TNR: variants seen among roughly 807,000 people sequenced by gnomAD.
TNR encodes the protein tenascin R.
A neutral mutation model predicts 150.4 loss-of-function variants in TNR; 45 were observed. The ratio of observed to expected loss-of-function variants is 0.30; its 90% CI spans 0.24 to 0.38. The LOEUF (loss-of-function observed/expected upper bound fraction) is 0.38. Ranked by LOEUF, TNR falls within the 10% of genes least tolerant of loss-of-function variation. TNR has a pLI of 1.00. For synonymous variants in TNR, 687 were observed against 678.4 expected (o/e 1.01, Z -0.20); for missense variants, 1,544 against 1,759.1 (o/e 0.88, Z 2.19).
intron 1 of TNR, among the ~76,000 whole-genome samples, chr1:175,713,358 C>A (rs975385502): frequency 6.6e-6 from 1 of 152,116 alleles, no homozygotes; most frequent in African/African-American, 2.4e-5. Context: ...TCCTTTTTTT[C>A]CCCATTTATC....
At position 175,379,538 on chromosome 1, in the gene TNR, T is replaced by A; in HGVS notation, c.1963+14A>T. On this transcript the variant is annotated intron_variant, in intron 9 of 22. Transcript: ENST00000367674. ...CAGCAACCAGCATAACCCCAAGAGA[T>A]AGGTCTTACTCACCTGTCAGGGTGG... is the stretch of plus-strand genomic sequence containing the variant. The A allele has an allele frequency of 6.2e-7, 1 of 1,608,894 alleles. No homozygotes were observed. Among genetic ancestry groups the A allele is most frequent in the Non-Finnish European group, 8.5e-7 (1 of 1,177,276 alleles).
intron 1 of TNR, among the ~76,000 whole-genome samples, chr1:175,614,313 T>C (rs1486604462): frequency 6.6e-6 from 1 of 152,152 alleles, no homozygotes; most frequent in African/African-American, 2.4e-5. Flanking sequence ...TATTGACACA[T>C]GGGCTTTAAG....
At chr1:175,659,314 AC>A (rs1665289743) in intron 1 of TNR, among the ~76,000 whole-genome samples, 1 of 152,218 alleles carries the variant, frequency 6.6e-6, no homozygotes, top group South Asian at 2.1e-4. Flanking sequence ...ATTCTCTTCA[AC>A]CCATTATGTA....
chr1:175,689,807 T>A (rs1666308092), intron 1 of TNR, among the ~76,000 whole-genome samples: 2 of 152,236 alleles, frequency 1.3e-5, no homozygotes, highest in African/African-American at 4.8e-5. Flanking sequence ...CTCACTGTGC[T>A]TATTCAATCT....
At chr1:175,710,451 A>C (rs960539411) in intron 1 of TNR, among the ~76,000 whole-genome samples, 1 of 152,098 alleles carries the variant, frequency 6.6e-6, no homozygotes, top group Non-Finnish European at 1.5e-5. Context: ...TAGCTCAGTG[A>C]CCTGCACTGG....
At chr1:175,632,069 G>A (rs1664345562) in intron 1 of TNR, among the ~76,000 whole-genome samples, 1 of 152,224 alleles carries the variant, frequency 6.6e-6, no homozygotes, top group Admixed American at 6.5e-5. Context: ...GGCACTGGGA[G>A]AAGGAACCTT....
chr1:175,328,445 G>A (rs1188681545), intron 21 of TNR, among the ~76,000 whole-genome samples: 3 of 152,186 alleles, frequency 2.0e-5, no homozygotes, highest in Non-Finnish European at 4.4e-5. Flanking sequence ...TAAAGATAAG[G>A]TCCAGGAGAA....
intron 7 of TNR, among the ~76,000 whole-genome samples, chr1:175,390,855 C>G (rs1487490897): frequency 1.3e-5 from 2 of 152,174 alleles, no homozygotes; most frequent in Non-Finnish European, 2.9e-5. Flanking sequence ...AGAAGGTATT[C>G]TTGTTTATCA....
chr1:175,572,828 A>AAATAT (rs1661936695), intron 1 of TNR, among the ~76,000 whole-genome samples: 2 of 151,792 alleles, frequency 1.3e-5, no homozygotes, highest in African/African-American at 4.8e-5. Flanking sequence ...AAATAAAATA[A>AAATAT]AATAAATTCA....
chr1:175,733,420 C>T (rs1005663562), intron 1 of TNR, among the ~76,000 whole-genome samples: 7 of 152,180 alleles, frequency 4.6e-5, no homozygotes, highest in Admixed American at 1.3e-4. Context: ...TGGGAGGGCT[C>T]TGTTGGGTCA....
chr1:175,379,856 C>T, intron 8 of TNR, 119 bp from the exon 9 acceptor site: 1 of 1,148,286 alleles, frequency 8.7e-7, no homozygotes. Context: ...CTCTGGCTCA[C>T]ATTTGAATGA....
chr1:175,677,585 T>C (rs1407750186), intron 1 of TNR, among the ~76,000 whole-genome samples: 1 of 152,022 alleles, frequency 6.6e-6, no homozygotes, highest in African/African-American at 2.4e-5. Flanking sequence ...CTCTTAGCAA[T>C]TGCTTCCGTA....
chr1:175,383,034 C>T (rs1652760095), intron 8 of TNR, among the ~76,000 whole-genome samples: 1 of 152,114 alleles, frequency 6.6e-6, no homozygotes, highest in South Asian at 2.1e-4. Context: ...TGCTGGTGAT[C>T]TTTGGCGTTT....
At chr1:175,523,846 A>C (rs779824067) in intron 2 of TNR, among the ~76,000 whole-genome samples, 32 of 152,082 alleles carry the variant, frequency 2.1e-4, no homozygotes, top group Non-Finnish European at 3.5e-4. Context: ...CAGGATCTCC[A>C]CTCAAAGTCT....
Position 175,396,550 on chromosome 1 carries a change from C to T in TNR, c.1234G>A (p.Ala412Thr). The change falls in exon 5 of 23, where the codon GCC becomes ACC. Residue 412 changes from alanine to threonine, a missense_variant. Physicochemically the swap from Ala to Thr is moderately conservative, Grantham distance 58. Around this residue, in one of 2 missense-constraint regions of TNR, gnomAD observed 1,254 missense variants for 1,329.4 expected, o/e 0.94. Coordinates refer to ENST00000367674, the MANE Select transcript of TNR (RefSeq NM_003285.3). ...ACGGGGAAATGGTACGTACGGGTGG[C>T]CACCTTGGCAGTGATGGGAAGGCTG... ...ILSLPITAKV[A>T]THLSTPQGLQ... The T allele has an allele frequency of 6.2e-7, 1 of 1,613,662 alleles. No homozygotes were observed. The highest frequency in any genetic ancestry group is 8.5e-7 in the Non-Finnish European group (1 of 1,179,674).
intron 2 of TNR, among the ~76,000 whole-genome samples, chr1:175,420,305 G>T (rs569719556): frequency 2.2e-4 from 34 of 152,194 alleles, no homozygotes; most frequent in Admixed American, 1.2e-3. Flanking sequence ...GTTTCTTCCT[G>T]TCCCCAAGTC....
At chr1:175,640,313 T>G (rs1664616091) in intron 1 of TNR, among the ~76,000 whole-genome samples, 1 of 152,222 alleles carries the variant, frequency 6.6e-6, no homozygotes, top group African/African-American at 2.4e-5. Context: ...GAGCACATCC[T>G]TTCAGAATAT....
intron 2 of TNR, among the ~76,000 whole-genome samples, chr1:175,423,841 G>A (rs184876718): frequency 6.6e-6 from 1 of 152,250 alleles, no homozygotes; most frequent in Admixed American, 6.5e-5. Flanking sequence ...AGCACTACTA[G>A]GGTCAGAGCC....
At chr1:175,641,276 G>A in intron 1 of TNR, among the ~76,000 whole-genome samples, 1 of 152,192 alleles carries the variant, frequency 6.6e-6, no homozygotes, top group East Asian at 1.9e-4. Flanking sequence ...AGCCAATGGT[G>A]GGACGGAGGG....
Sources: gnomAD v4.1 joint callset for allele counts (sites outside exome capture counted in the v4.1 genomes callset) on GRCh38, gnomAD v4.1.1 for gene constraint, gnomAD v4.1.1 regional missense constraint, MANE v1.5 for transcripts, NCBI Gene and HGNC (gene_info 2026-07-23, HGNC 2026-07-21) for gene names.